PCDH15: variants seen among roughly 807,000 people sequenced by gnomAD.
The protein encoded by PCDH15 is protocadherin related 15.
Under a neutral mutation model 178.5 loss-of-function variants are expected in PCDH15, and 129 were observed. The observed-to-expected ratio is 0.72, with a 90% CI of 0.63 to 0.84. PCDH15 has a LOEUF of 0.84. Ranked by LOEUF, PCDH15 falls within the 40% of genes least tolerant of loss-of-function variation. The pLI, the probability that PCDH15 is intolerant of heterozygous loss-of-function variation, is 0.00. For synonymous variants in PCDH15, 800 were observed against 732.0 expected, an observed-to-expected ratio of 1.09 and a Z score of -1.50; for missense variants, 2,230 against 2,099.9, an observed-to-expected ratio of 1.06 and a Z score of -1.21.
At chr10:54,814,185 A>G (rs1194644165) in intron 3 of PCDH15, among the ~76,000 whole-genome samples, 2 of 152,132 alleles carry the variant, frequency 1.3e-5, no homozygotes, top group Non-Finnish European at 2.9e-5. Context: ...TTATTCCTCC[A>G]TTTGTTTTAC....
chr10:54,871,961 A>G (rs528087361), intron 3 of PCDH15, among the ~76,000 whole-genome samples: 1 of 152,214 alleles, frequency 6.6e-6, no homozygotes, highest in South Asian at 2.1e-4. Context: ...CCCCATAAAT[A>G]AGATTAAACA....
At chr10:53,898,377 G>A (rs2082111217) in intron 26 of PCDH15, among the ~76,000 whole-genome samples, 2 of 152,092 alleles carry the variant, frequency 1.3e-5, no homozygotes, top group Non-Finnish European at 2.9e-5. Flanking sequence ...TATATAGTAA[G>A]AGTTATATTT....
chr10:54,521,392 C>T lies in PCDH15; in HGVS notation c.157+6420G>A, dbSNP rs184794509. ...TTGCTATTTTCTCACAAATAATGCT[C>T]ACTCCTTGCCTGTCCCGAAGTATTA... On this transcript the variant is annotated intron_variant, in intron 3 of 37. Coordinates refer to ENST00000644397, the MANE Select transcript of PCDH15 (RefSeq NM_001384140.1). Among the ~76,000 whole-genome samples the T allele has an allele frequency of 2.6e-3, 395 of 152,200 alleles. 1 individual carries two copies. The highest frequency in any genetic ancestry group is 5.4e-3 in the South Asian group (26 of 4,826).
chr10:55,162,990 T>C (rs534003430), intron 2 of PCDH15, among the ~76,000 whole-genome samples: 1 of 152,266 alleles, frequency 6.6e-6, no homozygotes, highest in South Asian at 2.1e-4. Flanking sequence ...CTACAGACTT[T>C]TGCATTTCTG....
chr10:54,317,518 T>A lies in PCDH15; in HGVS notation c.706-77A>T, dbSNP rs367716787. The A allele has an allele frequency of 3.9e-6, 6 of 1,547,046 alleles. No individual in the cohort carries two copies. In the East Asian group the frequency reaches 6.7e-5, roughly 17 times the overall value. ...AGCCAGGAGCAGTGGCCCATACCTGTAATCCCAGAACTTTGGGAGGCCAAG... is the reference window on the plus strand; with the variant it reads ...AGCCAGGAGCAGTGGCCCATACCTGAAATCCCAGAACTTTGGGAGGCCAAG... On this transcript the variant is annotated intron_variant, in intron 7 of 37. Coordinates refer to ENST00000644397, the MANE Select transcript of PCDH15 (RefSeq NM_001384140.1).
intron 6 of PCDH15, among the ~76,000 whole-genome samples, chr10:54,345,645 G>A (rs1476216778): frequency 6.6e-6 from 1 of 150,714 alleles, no homozygotes; most frequent in African/African-American, 2.4e-5. Context: ...TATTTGGGAG[G>A]CCGAGGCAGG....
At chr10:54,599,739 A>G in intron 2 of PCDH15, 1 of 476,356 alleles carries the variant, frequency 2.1e-6, no homozygotes, top group African/African-American at 2.0e-5. Context: ...AAAAGGAAGA[A>G]GAAGAGGAGG....
At chr10:55,304,425 T>A (rs2132281566) in intron 1 of PCDH15, among the ~76,000 whole-genome samples, 1 of 152,312 alleles carries the variant, frequency 6.6e-6, no homozygotes, top group South Asian at 2.1e-4. Flanking sequence ...TCTGCCTTCC[T>A]GCCATCTTTT....
intron 2 of PCDH15, among the ~76,000 whole-genome samples, chr10:54,631,211 C>T (rs1012503343): frequency 6.6e-6 from 1 of 152,166 alleles, no homozygotes; most frequent in South Asian, 2.1e-4. Context: ...ACTTCCCCAC[C>T]TCTCTCTTGC....
At chr10:54,587,630 A>C (rs1186424261) in intron 2 of PCDH15, among the ~76,000 whole-genome samples, 1 of 152,218 alleles carries the variant, frequency 6.6e-6, no homozygotes, top group Non-Finnish European at 1.5e-5. Flanking sequence ...TCCAAATTTA[A>C]GATTATGACA....
At chr10:54,917,339 C>T (rs187374863) in intron 2 of PCDH15, among the ~76,000 whole-genome samples, 177 of 152,210 alleles carry the variant, frequency 1.2e-3, no homozygotes, top group African/African-American at 3.9e-3. Context: ...GTGCAAAGAA[C>T]GTAGCTGATG....
chr10:53,866,617 C>T (rs568050144), intron 27 of PCDH15, 25 bp downstream of exon 27: 2 of 1,587,654 alleles, frequency 1.3e-6, no homozygotes, highest in Admixed American at 1.7e-5. Context: ...AGCTACTTCC[C>T]TTTCCTGAAG....
intron 2 of PCDH15, among the ~76,000 whole-genome samples, chr10:54,899,555 G>C (rs1470118493): frequency 6.8e-6 from 1 of 147,648 alleles, no homozygotes; most frequent in Non-Finnish European, 1.5e-5. Context: ...GGAGTGCAAA[G>C]GTGCGATCTT....
At position 55,078,318 on chromosome 10, in the gene PCDH15, G is replaced by C. The variant is rs558759996; in HGVS notation, c.-80+88258C>G. 6.6e-5 allele frequency among the ~76,000 whole-genome samples: 10 copies of C among 152,254 alleles called. No homozygotes were observed. In the South Asian group the frequency reaches 2.1e-3, roughly 32 times the overall value. The stretch of plus-strand genomic sequence containing the variant: ...GAGAAGATATTTTGGCATTGCATCT[G>C]TCTGGGGGATTGCTTGGCCTCCTGT... On this transcript the variant is annotated intron_variant, in intron 2 of 5. Transcript: ENST00000458638.
At chr10:55,253,987 T>A (rs1289609366) in intron 1 of PCDH15, among the ~76,000 whole-genome samples, 2 of 152,224 alleles carry the variant, frequency 1.3e-5, no homozygotes, top group African/African-American at 4.8e-5. Context: ...TTCTTTTATA[T>A]GTCTCTATCC....
At chr10:54,518,881 T>A (rs2082523167) in intron 3 of PCDH15, among the ~76,000 whole-genome samples, 2 of 152,184 alleles carry the variant, frequency 1.3e-5, no homozygotes, top group Non-Finnish European at 2.9e-5. Flanking sequence ...GTGGGCTTCA[T>A]CCCTGGGATG....
rs1349625919 is a variant in PCDH15 at position 55,620,112 on chromosome 10, C to T, written c.-156+7513G>A. ...CTGTACTGTTTCACCAAATTTAACC[C>T]GTTATTTTTGGAAATAGGATGTTTA... On this transcript the variant is annotated intron_variant, in intron 2 of 5. Transcript: ENST00000613346. 4.6e-5 allele frequency among the ~76,000 whole-genome samples: 7 copies of T among 151,904 alleles called. No homozygotes were observed. In the South Asian group the frequency reaches 6.2e-4, roughly 13 times the overall value.
intron 6 of PCDH15, among the ~76,000 whole-genome samples, chr10:54,333,089 T>C (rs1459332679): frequency 6.6e-6 from 1 of 152,046 alleles, no homozygotes; most frequent in Non-Finnish European, 1.5e-5. Flanking sequence ...ACTACAGGCA[T>C]GTGCCACCAC....
At chr10:54,779,429 C>T (rs58513746) in intron 1 of PCDH15, among the ~76,000 whole-genome samples, 35,511 of 99,304 alleles carry the variant, frequency 0.36, 6,183 homozygotes, top group African/African-American at 0.48. Flanking sequence ...TATACACACA[C>T]ATATGTGTAT....
Sources: gnomAD v4.1 joint callset for allele counts (sites outside exome capture counted in the v4.1 genomes callset) on GRCh38, gnomAD v4.1.1 for gene constraint, MANE v1.5 for transcripts, NCBI Gene and HGNC (gene_info 2026-07-23, HGNC 2026-07-21) for gene names.